The following GNAQ variants were observed in gnomAD, a reference collection of about 807,000 sequenced individuals.
GNAQ encodes the protein G protein subunit alpha q, also known as guanine nucleotide-binding protein G(q) subunit alpha.
GNAQ carries 8 observed loss-of-function variants against 43.9 expected under a neutral mutation model. The observed-to-expected ratio is 0.18, with a 90% CI of 0.11 to 0.33. The LOEUF (loss-of-function observed/expected upper bound fraction) is 0.33, where lower values mean the gene tolerates loss of function less well. GNAQ is among the 10% of genes least tolerant of loss of function. GNAQ has a pLI of 1.00. For synonymous variants in GNAQ, 155 were observed against 170.7 expected, an observed-to-expected ratio of 0.91 and a Z score of 0.71; for missense variants, 158 against 450.8, an observed-to-expected ratio of 0.35 and a Z score of 5.88.
At chr9:77,761,265 G>A (rs1172767931) in intron 5 of GNAQ, among the ~76,000 whole-genome samples, 9 of 138,148 alleles carry the variant, frequency 6.5e-5, no homozygotes, top group African/African-American at 2.2e-4. Flanking sequence ...CCCTGTCCGG[G>A]AGGGAGGTGG....
intron 1 of GNAQ, among the ~76,000 whole-genome samples, chr9:78,025,181 T>C (rs983845193): frequency 6.6e-6 from 1 of 152,226 alleles, no homozygotes; most frequent in Non-Finnish European, 1.5e-5. Context: ...ATCAGACAGA[T>C]TTTTACATAT....
At chr9:77,975,907 T>C (rs932607772) in intron 1 of GNAQ, among the ~76,000 whole-genome samples, 3 of 152,180 alleles carry the variant, frequency 2.0e-5, no homozygotes, top group South Asian at 2.1e-4. Flanking sequence ...ATGAGAGTCA[T>C]AGGATTCAGT....
intron 2 of GNAQ, among the ~76,000 whole-genome samples, chr9:77,832,361 T>C (rs771132480): frequency 6.6e-6 from 1 of 152,162 alleles, no homozygotes; most frequent in Non-Finnish European, 1.5e-5. Flanking sequence ...ACAAAGTAGA[T>C]ATCCGGCTCT....
chr9:77,992,051 T>A (rs1823514450), intron 1 of GNAQ, among the ~76,000 whole-genome samples: 1 of 152,240 alleles, frequency 6.6e-6, no homozygotes, highest in Admixed American at 6.5e-5. Flanking sequence ...ATCTTTTTCA[T>A]ACAGTGACTT....
intron 1 of GNAQ, among the ~76,000 whole-genome samples, chr9:78,029,880 G>C (rs1247660949): frequency 6.6e-6 from 1 of 152,166 alleles, no homozygotes; most frequent in South Asian, 2.1e-4. Context: ...CACAAGTGCA[G>C]ACATTTTTCA....
intron 5 of GNAQ, among the ~76,000 whole-genome samples, chr9:77,764,732 G>T (rs895699514): frequency 2.0e-5 from 3 of 152,126 alleles, no homozygotes; most frequent in Non-Finnish European, 1.5e-5. Context: ...TGGGATTACA[G>T]GTGTGAGCCA....
At chr9:77,777,865 G>C (rs1217188672) in intron 5 of GNAQ, among the ~76,000 whole-genome samples, 1 of 151,998 alleles carries the variant, frequency 6.6e-6, no homozygotes. Flanking sequence ...CACATTGCTG[G>C]TAGGACTGTA....
In GNAQ at chr9:77,817,892, T is replaced by C. The variant is rs927887553; in HGVS notation, c.322-2122A>G. On this transcript the variant is annotated intron_variant, in intron 2 of 6. Coordinates refer to ENST00000286548, the MANE Select transcript of GNAQ (RefSeq NM_002072.5). Reference sequence around the variant, plus strand: ...TTTAGCTGGCGGGTGAAGATGAAGATGAATGATCCCTCCAAGGAAAAGCAG... The same window carrying C: ...TTTAGCTGGCGGGTGAAGATGAAGACGAATGATCCCTCCAAGGAAAAGCAG... Among the ~76,000 whole-genome samples, 3 of 152,116 alleles carry C rather than the reference T, an allele frequency of 2.0e-5. No individual in the cohort carries two copies. The East Asian group carries it at 5.8e-4, about 29-fold the overall frequency.
At chr9:77,864,452 T>C (rs1827915948) in intron 2 of GNAQ, among the ~76,000 whole-genome samples, 1 of 152,158 alleles carries the variant, frequency 6.6e-6, no homozygotes, top group South Asian at 2.1e-4. Flanking sequence ...ATAAGGAGAT[T>C]AGCCTGGATT....
chr9:77,873,691 AC>A (rs1283014770), intron 2 of GNAQ, among the ~76,000 whole-genome samples: 1 of 152,242 alleles, frequency 6.6e-6, no homozygotes, highest in Non-Finnish European at 1.5e-5. Context: ...GGGCCAGGCA[AC>A]GAGGGGAAGC....
chr9:77,852,521 C>T (rs78650778), intron 2 of GNAQ, among the ~76,000 whole-genome samples: 1 of 152,208 alleles, frequency 6.6e-6, no homozygotes, highest in East Asian at 1.9e-4. Context: ...GGCTTTCATG[C>T]CCCAAAGGCA....
chr9:78,028,307 A>C (rs1332905428), intron 1 of GNAQ, among the ~76,000 whole-genome samples: 1 of 152,134 alleles, frequency 6.6e-6, no homozygotes, highest in East Asian at 1.9e-4. Flanking sequence ...TCTAAAGTTA[A>C]AATAAAAATA....
In GNAQ at chr9:77,967,898, T is replaced by TG. The variant is rs200064520; in HGVS notation, c.137-45554dup. Among the ~76,000 whole-genome samples, 1,063 of 152,282 alleles carry TG rather than the reference T, an allele frequency of 7.0e-3. 19 individuals are homozygous for TG. Among genetic ancestry groups the TG allele is most frequent in the African/African-American group, 0.024 (987 of 41,552 alleles). On this transcript the variant is annotated intron_variant, in intron 1 of 6. Coordinates refer to ENST00000286548, the MANE Select transcript of GNAQ (RefSeq NM_002072.5). ...GGGAGGCTGAGGCAGGAGAATCGCT[T>TG]GAACTTGGGAGGCGGAGGTTGCAGT...
At chr9:77,777,282 A>C (rs144438641) in intron 5 of GNAQ, among the ~76,000 whole-genome samples, 6 of 152,260 alleles carry the variant, frequency 3.9e-5, no homozygotes, top group Admixed American at 1.3e-4. Context: ...GTGCAAATGC[A>C]ATATATATTC....
chr9:77,950,035 A>G (rs1342205884), intron 1 of GNAQ, among the ~76,000 whole-genome samples: 1 of 152,014 alleles, frequency 6.6e-6, no homozygotes, highest in Non-Finnish European at 1.5e-5. Flanking sequence ...TTTATTTCTC[A>G]CAGATGAACC....
At chr9:77,766,240 ATTT>A (rs1300343690) in intron 5 of GNAQ, among the ~76,000 whole-genome samples, 1 of 152,198 alleles carries the variant, frequency 6.6e-6, no homozygotes, top group Non-Finnish European at 1.5e-5. Flanking sequence ...TACAATAAAA[ATTT>A]TTTATCAGTG....
In GNAQ at chr9:77,719,466, TG is replaced by T; in HGVS notation, c.*1856del. On this transcript the variant is annotated 3_prime_UTR_variant, in exon 7 of 7. Coordinates refer to ENST00000286548, the MANE Select transcript of GNAQ (RefSeq NM_002072.5). Reference sequence around the variant, plus strand: ...AAAAGTAAGCTGTGTTGTTTGAGGCTGGGAGAATCAAGGATGAGAACATCTC... The same window carrying T: ...AAAAGTAAGCTGTGTTGTTTGAGGCTGGAGAATCAAGGATGAGAACATCTC... 1 of 232,766 alleles carries T rather than the reference TG, an allele frequency of 4.3e-6. No homozygotes were observed. The highest frequency in any genetic ancestry group is 6.1e-5 in the East Asian group (1 of 16,510). 14.4% of individuals were successfully genotyped at this position (232,766 alleles called of 1,614,324 possible).
intron 3 of GNAQ, among the ~76,000 whole-genome samples, chr9:77,800,551 C>T (rs1390507409): frequency 6.6e-6 from 1 of 152,080 alleles, no homozygotes; most frequent in Non-Finnish European, 1.5e-5. Flanking sequence ...GGAAGGGGAA[C>T]ATCACACTCT....
intron 6 of GNAQ, among the ~76,000 whole-genome samples, chr9:77,722,396 CAA>C (rs991282474): frequency 1.8e-4 from 28 of 152,208 alleles, no homozygotes; most frequent in African/African-American, 6.0e-4. Context: ...CTTGGCCTCC[CAA>C]AGTGCTGGGA....
Sources: gnomAD v4.1 joint callset for allele counts (sites outside exome capture counted in the v4.1 genomes callset) on GRCh38, gnomAD v4.1.1 for gene constraint, MANE v1.5 for transcripts, NCBI Gene and HGNC (gene_info 2026-07-23, HGNC 2026-07-21) for gene names.